The following ADAP2 variants were observed in gnomAD, a reference collection of about 807,000 sequenced individuals.
The protein encoded by ADAP2 is arf-GAP with dual PH domain-containing protein 2.
A neutral mutation model predicts 54.9 loss-of-function variants in ADAP2; 42 were observed. The ratio of observed to expected loss-of-function variants is 0.77; its 90% CI spans 0.60 to 0.99. ADAP2 has a LOEUF of 0.99. ADAP2 is among the 50% of genes least tolerant of loss of function. The probability of loss-of-function intolerance (pLI) is 0.00; values close to 1 mark genes in which losing one functional copy is unlikely to be tolerated. For missense variants in ADAP2, 429 were observed against 480.4 expected (o/e 0.89, Z 1.00); for synonymous variants, 177 against 180.1 (o/e 0.98, Z 0.14).
At chr17:30,942,627 T>A (rs762257217) in intron 5 of ADAP2, among the ~76,000 whole-genome samples, 2 of 152,230 alleles carry the variant, frequency 1.3e-5, no homozygotes, top group Non-Finnish European at 2.9e-5. Context: ...GAAAATAGAT[T>A]GATAACTTTT....
At chr17:30,934,161 G>A (rs746251172) in intron 4 of ADAP2, 24 bp from the exon 5 acceptor site, 39 of 1,592,496 alleles carry the variant, frequency 2.4e-5, no homozygotes, top group African/African-American at 4.0e-5. Context: ...GTGTGTTCAC[G>A]CTTTGTCATC....
intron 5 of ADAP2, among the ~76,000 whole-genome samples, chr17:30,943,912 C>T (rs1486059526): frequency 1.3e-5 from 2 of 149,526 alleles, no homozygotes; most frequent in African/African-American, 4.9e-5. Context: ...CCAGATTGGC[C>T]GGGGGCGGTG....
chr17:30,949,814 G>T lies in ADAP2; in HGVS notation c.741+444G>T, dbSNP rs183111314. On this transcript the variant is annotated intron_variant, in intron 7 of 10. Transcript: ENST00000330889. ...TTTTGTTTGCAGGCAAGACCTCGAG[G>T]TTGAGGGCTGGGCTGCTCAGAGGGA... 3.5e-3 allele frequency among the ~76,000 whole-genome samples: 537 copies of T among 152,164 alleles called. 10 individuals are homozygous for T. The highest frequency in any genetic ancestry group is 0.012 in the African/African-American group (516 of 41,500).
At chr17:30,924,398 A>G (rs934494818) in intron 2 of ADAP2, among the ~76,000 whole-genome samples, 7 of 151,782 alleles carry the variant, frequency 4.6e-5, no homozygotes, top group African/African-American at 1.7e-4. Flanking sequence ...TGCTGTTATC[A>G]TTAGTGAAGT....
At chr17:30,935,156 C>A (rs556233570) in intron 5 of ADAP2, among the ~76,000 whole-genome samples, 1 of 152,212 alleles carries the variant, frequency 6.6e-6, no homozygotes, top group South Asian at 2.1e-4. Context: ...CACTTGAGGT[C>A]GGGAGTTTGA....
intron 5 of ADAP2, among the ~76,000 whole-genome samples, chr17:30,943,669 A>C (rs923388695): frequency 2.6e-5 from 4 of 151,626 alleles, no homozygotes; most frequent in Non-Finnish European, 5.9e-5. Context: ...CAACATGGTC[A>C]AACCCCATCT....
At chr17:30,943,675 C>T (rs543098824) in intron 5 of ADAP2, among the ~76,000 whole-genome samples, 1 of 151,344 alleles carries the variant, frequency 6.6e-6, no homozygotes, top group Non-Finnish European at 1.5e-5. Flanking sequence ...GGTCAAACCC[C>T]ATCTCTACTA....
chr17:30,931,898 G>T lies in ADAP2; in HGVS notation c.327G>T (p.Lys109Asn), dbSNP rs377598564. Residue 109 changes from lysine to asparagine, a missense_variant, in exon 4 of 11, where the codon AAG becomes AAT. Physicochemically the swap from Lys to Asn is moderately conservative, Grantham distance 94. Coordinates refer to ENST00000330889, the MANE Select transcript of ADAP2 (RefSeq NM_018404.3). ...IPQANDCLVL[K>N]EQWIRAKYER... Reference sequence around the variant, plus strand: ...GGCTCTCTCTTTTTAGGGTCTTAAAGGAACAATGGATTCGAGCTAAGTATG... The same window carrying T: ...GGCTCTCTCTTTTTAGGGTCTTAAATGAACAATGGATTCGAGCTAAGTATG... 6.2e-7 allele frequency: 1 copy of T among 1,613,348 alleles called. No homozygotes were observed. The highest frequency in any genetic ancestry group is 8.5e-7 in the Non-Finnish European group (1 of 1,179,724).
At position 30,934,312 on chromosome 17, in the gene ADAP2, C is replaced by T. The variant is rs572754339; in HGVS notation, c.510+15C>T. 34 of 1,569,266 alleles carry T rather than the reference C, an allele frequency of 2.2e-5. No individual in the cohort carries two copies. Among genetic ancestry groups the T allele is most frequent in the Non-Finnish European group, 2.7e-5 (31 of 1,140,550 alleles). On this transcript the variant is annotated intron_variant, in intron 5 of 10. Coordinates refer to ENST00000330889, the MANE Select transcript of ADAP2 (RefSeq NM_018404.3). ...CAAAGGAACAGGTAAGATGCCAGAC[C>T]AATGAGAGCAGGTCCCTTCCTGAGC...
chr17:30,932,881 G>A (rs7225461), intron 4 of ADAP2, among the ~76,000 whole-genome samples: 74,256 of 151,966 alleles, frequency 0.49, 20,450 homozygotes, highest in African/African-American at 0.77. Context: ...AACACTTAAT[G>A]TAAATTGCAG....
chr17:30,938,183 G>A (rs982649821), intron 5 of ADAP2, among the ~76,000 whole-genome samples: 4 of 152,124 alleles, frequency 2.6e-5, no homozygotes, highest in Non-Finnish European at 4.4e-5. Context: ...AGGAGGCCTC[G>A]GCTGTTCTGG....
At chr17:30,922,571 G>T (rs1427792139) in intron 1 of ADAP2, among the ~76,000 whole-genome samples, 1 of 151,890 alleles carries the variant, frequency 6.6e-6, no homozygotes, top group African/African-American at 2.4e-5. Flanking sequence ...GCTCCCAGAC[G>T]CCCCCCGAAG....
At chr17:30,927,755 A>G (rs376162787) in intron 3 of ADAP2, among the ~76,000 whole-genome samples, 1 of 152,140 alleles carries the variant, frequency 6.6e-6, no homozygotes, top group Non-Finnish European at 1.5e-5. Context: ...CACAATGGCC[A>G]GTGCCTGTAA....
At position 30,954,680 on chromosome 17, in the gene ADAP2, A is replaced by G. The variant is rs1904930166; in HGVS notation, c.882+125A>G. ...GAGCCCCAGAGCTAGAGAAACCTTG[A>G]GAGGAAAACCTCTACCCCTTGTTTT... On this transcript the variant is annotated intron_variant, in intron 9 of 10. Transcript: ENST00000330889. The G allele has an allele frequency of 1.7e-5, 13 of 767,160 alleles. 1 individual carries two copies. The South Asian group carries it at 2.2e-4, about 13-fold the overall frequency. The allele number at this position is 767,160 out of a possible 1,614,324, so 47.5% of individuals were successfully genotyped here.
At chr17:30,951,280 G>C (rs1246267924) in intron 7 of ADAP2, among the ~76,000 whole-genome samples, 1 of 152,128 alleles carries the variant, frequency 6.6e-6, no homozygotes, top group Non-Finnish European at 1.5e-5. Flanking sequence ...GCGAGCCAAG[G>C]CATCAGAAGT....
intron 8 of ADAP2, 52 bp from the exon 9 acceptor site, chr17:30,954,426 A>G (rs889756492): frequency 1.9e-6 from 3 of 1,552,776 alleles, no homozygotes; most frequent in African/African-American, 1.4e-5. Flanking sequence ...CCTGACCTCT[A>G]TCCTCAGAAA....
At chr17:30,940,496 G>A (rs903161333) in intron 5 of ADAP2, among the ~76,000 whole-genome samples, 1 of 152,066 alleles carries the variant, frequency 6.6e-6, no homozygotes, top group African/African-American at 2.4e-5. Flanking sequence ...GTAGAGACGG[G>A]GTTTCACCAT....
intron 7 of ADAP2, among the ~76,000 whole-genome samples, chr17:30,952,975 C>T (rs941425576): frequency 2.6e-5 from 4 of 152,110 alleles, no homozygotes; most frequent in African/African-American, 9.7e-5. Flanking sequence ...AAAGTGGACC[C>T]TCAGAACATG....
At chr17:30,956,499 T>G in intron 10 of ADAP2, 30 bp downstream of exon 10, 3 of 1,605,480 alleles carry the variant, frequency 1.9e-6, no homozygotes, top group Non-Finnish European at 2.6e-6. Flanking sequence ...GGGTGTTCTT[T>G]TGGACAAGGG....
Sources: allele counts gnomAD v4.1 joint callset (sites outside exome capture counted in the v4.1 genomes callset), GRCh38; gene constraint gnomAD v4.1.1; transcripts MANE v1.5; gene names NCBI Gene and HGNC (gene_info 2026-07-23, HGNC 2026-07-21).